ERCC3: variants seen among roughly 807,000 people sequenced by gnomAD.
ERCC3 encodes general transcription and DNA repair factor IIH helicase/translocase subunit XPB.
In ERCC3, 66 loss-of-function variants were observed where a neutral mutation model predicts 94.2. The observed-to-expected ratio is 0.70, with a 90% CI of 0.57 to 0.86. ERCC3 has a LOEUF of 0.86. ERCC3 is among the 40% of genes least tolerant of loss of function. ERCC3 has a pLI of 0.00. For missense variants in ERCC3, 829 were observed against 987.1 expected, an observed-to-expected ratio of 0.84 and a Z score of 2.15; for synonymous variants, 349 against 369.1, an observed-to-expected ratio of 0.95 and a Z score of 0.63.
Position 127,292,765 on chromosome 2 carries a change from G to C in ERCC3, c.316C>G (p.Pro106Ala). Residue 106 changes from proline (P) to alanine (A), a missense_variant, in exon 3 of 15, where the codon CCA (proline) becomes GCA (alanine). Physicochemically the swap from Pro to Ala is conservative, Grantham distance 27. Transcript: ENST00000285398. Reference protein sequence around the residue: ...AQDFLVAIAEPVCRPTHVHEY... With the variant: ...AQDFLVAIAEAVCRPTHVHEY... ...TGCACATGGGTTGGTCGGCACACTG[G>C]CTCTGCAATAGCCACCAAGAAGTCT... The C allele has an allele frequency of 6.2e-7, 1 of 1,613,854 alleles. No individual in the cohort carries two copies. The highest frequency in any genetic ancestry group is 8.5e-7 in the Non-Finnish European group (1 of 1,179,964).
At chr2:127,288,964 CT>C in intron 6 of ERCC3, 100 bp from the exon 7 acceptor site, 1 of 1,032,148 alleles carries the variant, frequency 9.7e-7, no homozygotes, top group Non-Finnish European at 1.5e-6. Context: ...GGCATTCTAT[CT>C]AAACTTCTAC....
intron 12 of ERCC3, among the ~76,000 whole-genome samples, chr2:127,270,752 G>A (rs1006026195): frequency 3.3e-5 from 5 of 152,130 alleles, no homozygotes; most frequent in Non-Finnish European, 7.4e-5. Flanking sequence ...ATGGCAGTCT[G>A]GGCCCTTTTA....
rs1236174608 is a variant in ERCC3 at position 127,291,297 on chromosome 2, C to G, written c.472-1024G>C. Among the ~76,000 whole-genome samples, 1 of 151,880 alleles carries G rather than the reference C, an allele frequency of 6.6e-6. No individual in the cohort carries two copies. Among genetic ancestry groups the G allele is most frequent in the Non-Finnish European group, 1.5e-5 (1 of 67,994 alleles). ...CTGAGGCGGAGTCTCACTCTGTTGC[C>G]CAGGCTGGAGTGCAATGAATGGTGA... is the stretch of plus-strand genomic sequence containing the variant. On this transcript the variant is annotated intron_variant, in intron 3 of 14. Transcript: ENST00000285398. This position sits in a 1 kb window ranked among gnomAD's most constrained non-coding sequence, Gnocchi z 4.9.
chr2:127,288,163 G>A (rs1685139840), intron 7 of ERCC3, among the ~76,000 whole-genome samples: 1 of 152,060 alleles, frequency 6.6e-6, no homozygotes. Context: ...TCAAACAGGT[G>A]CCCAGGGGGC....
At chr2:127,269,904 G>A (rs7559907) in intron 12 of ERCC3, among the ~76,000 whole-genome samples, 5 of 151,856 alleles carry the variant, frequency 3.3e-5, no homozygotes, top group African/African-American at 7.3e-5. Context: ...CCTGTAGTCC[G>A]GGTACTCGGG....
intron 12 of ERCC3, among the ~76,000 whole-genome samples, chr2:127,267,494 C>CT: frequency 6.6e-6 from 1 of 150,960 alleles, no homozygotes; most frequent in East Asian, 1.9e-4. Context: ...CCTATGAGTC[C>CT]TGTTACATGT....
rs1424898771 is a variant in ERCC3 at position 127,271,992 on chromosome 2, C to T, written c.1828-539G>A. On this transcript the variant is annotated intron_variant, in intron 11 of 14. Transcript: ENST00000285398. The surrounding 1 kb of genome is among the most constrained non-coding windows in gnomAD (Gnocchi z 5.0). The stretch of plus-strand genomic sequence containing the variant: ...GCTTATAAGCGCCCAGCCACAATCA[C>T]ATAAAATCTCATTTCTTTTTTTTTT... Among the ~76,000 whole-genome samples the T allele has an allele frequency of 1.4e-5, 2 of 141,262 alleles. No individual in the cohort carries two copies. Among genetic ancestry groups the T allele is most frequent in the South Asian group, 4.9e-4 (2 of 4,104 alleles). 92.7% of individuals were successfully genotyped at this position (141,262 alleles called of 152,430 possible). A position where few individuals can be genotyped will look rare whatever the true frequency, so the allele number is the denominator to read the frequency against.
Position 127,259,561 on chromosome 2 carries a change from C to G in ERCC3, c.2065-113G>C. On this transcript the variant is annotated intron_variant, in intron 13 of 14. Coordinates refer to ENST00000285398, the MANE Select transcript of ERCC3 (RefSeq NM_000122.2). This position sits in a 1 kb window ranked among gnomAD's most constrained non-coding sequence, Gnocchi z 4.9. ...CACTTCCCTCCCCAGGCCCAGCCACCCTGGTGGCCAACAATGGAGAGCTCC... is the reference window on the plus strand; with the variant it reads ...CACTTCCCTCCCCAGGCCCAGCCACGCTGGTGGCCAACAATGGAGAGCTCC... 1.4e-6 allele frequency: 2 copies of G among 1,414,438 alleles called. No homozygotes were observed. The highest frequency in any genetic ancestry group is 2.0e-6 in the Non-Finnish European group (2 of 1,009,460). 87.6% of individuals were successfully genotyped at this position (1,414,438 alleles called of 1,614,324 possible). A position where few individuals can be genotyped will look rare whatever the true frequency, so the allele number is the denominator to read the frequency against.
chr2:127,278,057 T>A (rs530250823), intron 10 of ERCC3, among the ~76,000 whole-genome samples: 1 of 151,812 alleles, frequency 6.6e-6, no homozygotes, highest in Non-Finnish European at 1.5e-5. Flanking sequence ...CTGGGCAACA[T>A]AGCAAAACCC....
rs1456139641 is a variant in ERCC3 at position 127,264,608 on chromosome 2, G to A, written c.1946-3262C>T. Among the ~76,000 whole-genome samples the A allele has an allele frequency of 6.6e-6, 1 of 152,192 alleles. No individual in the cohort carries two copies. On this transcript the variant is annotated intron_variant, in intron 12 of 14. Coordinates refer to ENST00000285398, the MANE Select transcript of ERCC3 (RefSeq NM_000122.2). This position sits in a 1 kb window ranked among gnomAD's most constrained non-coding sequence, Gnocchi z 4.4. ...GAAGTAAAGCCTATTTGATTGTGGT[G>A]AATTAACTTTTTGATATGCTGCTGG... is the stretch of plus-strand genomic sequence containing the variant.
chr2:127,292,155 T>C (rs1191429901), intron 3 of ERCC3: 1 of 296,168 alleles, frequency 3.4e-6, no homozygotes, highest in Non-Finnish European at 6.7e-6. Flanking sequence ...TCATAGCGGA[T>C]CACGACCTCA....
At position 127,286,777 on chromosome 2, in the gene ERCC3, G is replaced by C; in HGVS notation, c.1268C>G (p.Ala423Gly). 4 of 1,614,154 alleles carry C rather than the reference G, an allele frequency of 2.5e-6. No homozygotes were observed. The highest frequency in any genetic ancestry group is 3.4e-6 in the Non-Finnish European group (4 of 1,180,028). The change falls in exon 8 of 15, where the codon GCC (alanine) becomes GGC (glycine). Residue 423 changes from alanine to glycine, a missense_variant. Coordinates refer to ENST00000285398, the MANE Select transcript of ERCC3 (RefSeq NM_000122.2). Reference sequence around the variant, plus strand: ...CTTGAGCCACTCCATGACTCGCTCGGCCTCCCAGGACCTTTTGGTGGTGTG... The same window carrying C: ...CTTGAGCCACTCCATGACTCGCTCGCCCTCCCAGGACCTTTTGGTGGTGTG... ...LGHTTKRSWE[A>G]ERVMEWLKTQ... is the part of the protein sequence containing the mutation.
Position 127,272,958 on chromosome 2 carries a change from G to A in ERCC3, c.1734C>T (p.Pro578=), listed in dbSNP as rs1327368022. The change falls in exon 11 of 15, where the codon CCC becomes CCT. Residue 578 remains proline, a synonymous_variant. Coordinates refer to ENST00000285398, the MANE Select transcript of ERCC3 (RefSeq NM_000122.2). ...CCTGAGACGTAGGTCCGTAGATATA[G>A]GGTCTAGAGAAGAATGAAGCTGTGT... is the stretch of plus-strand genomic sequence containing the variant. ...LKEYAIRLNK[P]YIYGPTSQGE... is the part of the protein sequence containing the mutation. 3.8e-6 allele frequency: 6 copies of A among 1,598,510 alleles called. No homozygotes were observed. The African/African-American group carries it at 4.0e-5, about 11-fold the overall frequency.
At position 127,259,433 on chromosome 2, in the gene ERCC3, C is replaced by T. The variant is rs151216904; in HGVS notation, c.2080G>A (p.Ala694Thr). Reference sequence around the variant, plus strand: ...GCCAAGTCTTCCTCCTCCATGCCAGCGAGTTTCGTGATCACCTGCAAAGCC... The same window carrying T: ...GCCAAGTCTTCCTCCTCCATGCCAGTGAGTTTCGTGATCACCTGCAAAGCC... ...GYSFKVITKL[A>T]GMEEEDLAFS... The change falls in exon 14 of 15, where the codon GCT (alanine) becomes ACT (threonine). Residue 694 changes from alanine to threonine, a missense_variant. Physicochemically the swap from Ala to Thr is moderately conservative, Grantham distance 58. Coordinates refer to ENST00000285398, the MANE Select transcript of ERCC3 (RefSeq NM_000122.2). This position sits in a 1 kb window ranked among gnomAD's most constrained non-coding sequence, Gnocchi z 4.9. 1,784 of 1,614,182 alleles carry T rather than the reference C, an allele frequency of 1.1e-3. 2 individuals carry two copies. The highest frequency in any genetic ancestry group is 1.4e-3 in the Non-Finnish European group (1,651 of 1,180,032).
At chr2:127,292,354 C>A (rs571786007) in intron 3 of ERCC3, 1 of 561,734 alleles carries the variant, frequency 1.8e-6, no homozygotes, top group South Asian at 1.9e-5. Flanking sequence ...CAGCTGGGAG[C>A]GGCTCATGAG....
At chr2:127,273,884 G>C (rs1298859451) in intron 10 of ERCC3, among the ~76,000 whole-genome samples, 1 of 151,936 alleles carries the variant, frequency 6.6e-6, no homozygotes, top group African/African-American at 2.4e-5. Context: ...GAATGTGACG[G>C]TGGACAGTTT....
chr2:127,278,544 T>C (rs559301707), intron 10 of ERCC3, among the ~76,000 whole-genome samples: 3 of 152,332 alleles, frequency 2.0e-5, no homozygotes, highest in Non-Finnish European at 2.9e-5. Context: ...ATAGTACCCA[T>C]AGCACATAGC....
At position 127,279,283 on chromosome 2, in the gene ERCC3, T is replaced by C. The variant is rs764745262; in HGVS notation, c.1620A>G (p.Lys540=). The C allele has an allele frequency of 6.2e-7, 1 of 1,613,952 alleles. No homozygotes were observed. Among genetic ancestry groups the C allele is most frequent in the East Asian group, 2.2e-5 (1 of 44,882 alleles). ...RILLYTMNPN[K]FRACQFLIKF... Reference sequence around the variant, plus strand: ...TGATCAGAAACTGGCAAGCTCTAAATTTGTTGGGGTTCATGGTGTACAGCA... The same window carrying C: ...TGATCAGAAACTGGCAAGCTCTAAACTTGTTGGGGTTCATGGTGTACAGCA... The change falls in exon 10 of 15, where the codon AAA becomes AAG. Residue 540 remains lysine (K), a synonymous_variant. Transcript: ENST00000285398. The surrounding 1 kb of genome is among the most constrained non-coding windows in gnomAD (Gnocchi z 4.7).
rs1258857605 is a variant in ERCC3, at chr2:127,271,370, G to C, written c.1911C>G (p.Ala637=). The stretch of plus-strand genomic sequence containing the variant: ...CTCGAAGCACCCGCCCTAGCCTTTG[G>C]GCTTCCTGACGCCTGGAGCCACCAT... The part of the protein sequence containing the change: ...SSHGGSRRQE[A]QRLGRVLRAK... Residue 637 remains alanine (A), a synonymous_variant, in exon 12 of 15, where the codon GCC becomes GCG. Transcript: ENST00000285398. This position sits in a 1 kb window ranked among gnomAD's most constrained non-coding sequence, Gnocchi z 5.0. 6.2e-6 allele frequency: 10 copies of C among 1,613,928 alleles called. No individual in the cohort carries two copies. The highest frequency in any genetic ancestry group is 8.5e-6 in the Non-Finnish European group (10 of 1,179,984).
Sources: allele counts gnomAD v4.1 joint callset (sites outside exome capture counted in the v4.1 genomes callset), GRCh38; gene constraint gnomAD v4.1.1; non-coding constraint Gnocchi (gnomAD v3.1); transcripts MANE v1.5; gene names NCBI Gene and HGNC (gene_info 2026-07-23, HGNC 2026-07-21).